Variants in UFD1 observed in about 807,000 individuals in gnomAD.
UFD1 encodes ubiquitin recognition factor in ER-associated degradation protein 1.
In UFD1, 13 loss-of-function variants were observed where a neutral mutation model predicts 45.9. That is an observed-to-expected ratio of 0.28 (90% CI 0.18 to 0.45). UFD1 has a LOEUF of 0.45. UFD1 is among the 20% of genes least tolerant of loss of function. UFD1 has a pLI of 1.00. For missense variants in UFD1, 218 were observed against 389.2 expected, an observed-to-expected ratio of 0.56 and a Z score of 3.70; for synonymous variants, 128 against 139.2, an observed-to-expected ratio of 0.92 and a Z score of 0.56.
chr22:19,475,001 C>A (rs2146309886), intron 3 of UFD1, 67 bp downstream of exon 3: 1 of 1,459,448 alleles, frequency 6.9e-7, no homozygotes, highest in Middle Eastern at 2.3e-4. Context: ...TACTGAGGAG[C>A]CCATGCTGAC....
intron 6 of UFD1, among the ~76,000 whole-genome samples, chr22:19,459,012 A>G (rs1040568385): frequency 4.6e-5 from 7 of 152,254 alleles, no homozygotes; most frequent in African/African-American, 2.4e-5. Context: ...TAAAATGTTG[A>G]ATAACTCATG....
intron 6 of UFD1, among the ~76,000 whole-genome samples, chr22:19,458,584 T>A (rs1304437132): frequency 6.6e-6 from 1 of 152,120 alleles, no homozygotes; most frequent in African/African-American, 2.4e-5. Flanking sequence ...GCTGGGACTA[T>A]AGGCATGTGC....
rs1435766423 is a variant in UFD1 at position 19,479,078 on chromosome 22, C to T, written c.3+5G>A. On this transcript the variant is annotated splice_donor_5th_base_variant and intron_variant, in intron 1 of 11. Transcript: ENST00000263202. ...AGCCCCCGCCCGCTGCCCGTCAGCG[C>T]TTACCATGATGGACACCACCTGGCA... is the stretch of plus-strand genomic sequence containing the variant. 1 of 1,611,656 alleles carries T rather than the reference C, an allele frequency of 6.2e-7. No homozygotes were observed. Among genetic ancestry groups the T allele is most frequent in the Non-Finnish European group, 8.5e-7 (1 of 1,179,390 alleles).
rs1189463463 is a variant in UFD1, at chr22:19,450,300, G to C, written c.*370C>G. The C allele has an allele frequency of 5.5e-6, 1 of 180,198 alleles. No individual in the cohort carries two copies. The highest frequency in any genetic ancestry group is 2.4e-5 in the African/African-American group (1 of 42,416). The allele number at this position is 180,198 out of a possible 1,614,324, so 11.2% of individuals were successfully genotyped here. On this transcript the variant is annotated 3_prime_UTR_variant, in exon 12 of 12. Coordinates refer to ENST00000263202, the MANE Select transcript of UFD1 (RefSeq NM_005659.7). ...TGTAGGAAAAGAAAGGATAAATGAAGAAAAAGAAAGAACACTTCATGTTAG... is the reference window on the plus strand; with the variant it reads ...TGTAGGAAAAGAAAGGATAAATGAACAAAAAGAAAGAACACTTCATGTTAG...
intron 11 of UFD1, chr22:19,453,113 G>C: frequency 5.1e-6 from 5 of 985,442 alleles, no homozygotes; most frequent in Non-Finnish European, 6.0e-6. Context: ...ACCTACTGGA[G>C]TCGAGCCTCC....
At chr22:19,456,975 T>C in intron 7 of UFD1, 57 bp from the exon 8 acceptor site, 2 of 1,206,978 alleles carry the variant, frequency 1.7e-6, no homozygotes, top group African/African-American at 1.5e-5. Context: ...CTTGGCTTCC[T>C]TTTTTGTTTT....
chr22:19,473,100 T>C (rs1393832250), intron 3 of UFD1, among the ~76,000 whole-genome samples: 1 of 152,142 alleles, frequency 6.6e-6, no homozygotes, highest in Non-Finnish European at 1.5e-5. Flanking sequence ...ACACTGGCAG[T>C]AAAGGGGCCA....
Position 19,456,906 on chromosome 22 carries a change from C to G in UFD1, c.577G>C (p.Ala193Pro). The G allele has an allele frequency of 6.3e-7, 1 of 1,597,328 alleles. No homozygotes were observed. The highest frequency in any genetic ancestry group is 8.6e-7 in the Non-Finnish European group (1 of 1,169,532). ...TCGGGTTCTTTGTAGCCCAGGGGAG[C>G]ATCAAAGTCCACCTGTGTTTCCAGG... ...IECDMNVDFDAPLGYKEPERQ... is the reference protein window; with the variant it reads ...IECDMNVDFDPPLGYKEPERQ... The change falls in exon 8 of 12, where the codon GCT becomes CCT. Residue 193 changes from alanine to proline, a missense_variant. Ala to Pro is a conservative substitution (Grantham distance 27). Transcript: ENST00000263202.
At chr22:19,457,741 G>A (rs1436416537) in intron 7 of UFD1, among the ~76,000 whole-genome samples, 1 of 152,104 alleles carries the variant, frequency 6.6e-6, no homozygotes, top group Admixed American at 6.5e-5. Flanking sequence ...AACCTGGGAG[G>A]TGGAGGTTGT....
At position 19,451,120 on chromosome 22, in the gene UFD1, CAAAAAA is replaced by C. The variant is rs34076964; in HGVS notation, c.850-382_850-377del. 4.5e-5 allele frequency: 39 copies of C among 864,238 alleles called. No individual in the cohort carries two copies. In the Admixed American group the frequency reaches 1.8e-3, roughly 40 times the overall value. 53.5% of individuals were successfully genotyped at this position (864,238 alleles called of 1,614,324 possible). On this transcript the variant is annotated intron_variant, in intron 11 of 11. Transcript: ENST00000263202. The stretch of plus-strand genomic sequence containing the variant: ...AGAGCAACAGAGCAAGACCCTGCCT[CAAAAAA>C]AAAAAAAAAAAAAAAAGTCTGTAAG...
At chr22:19,456,759 C>A in intron 8 of UFD1, 94 bp downstream of exon 8, 1 of 1,613,458 alleles carries the variant, frequency 6.2e-7, no homozygotes, top group South Asian at 1.1e-5. Context: ...GATATGACTA[C>A]ACCAACACTA....
At chr22:19,476,202 C>T (rs977778492) in intron 1 of UFD1, among the ~76,000 whole-genome samples, 46 of 152,126 alleles carry the variant, frequency 3.0e-4, no homozygotes, top group African/African-American at 9.9e-4. Flanking sequence ...TAGGAAGGGA[C>T]TCTGCACAAA....
chr22:19,463,000 G>C (rs1043551415), intron 6 of UFD1, among the ~76,000 whole-genome samples: 2 of 152,212 alleles, frequency 1.3e-5, no homozygotes, highest in African/African-American at 2.4e-5. Flanking sequence ...TCAAAGACCT[G>C]CTACTTGCTG....
At chr22:19,468,964 A>G (rs1177800239) in intron 4 of UFD1, among the ~76,000 whole-genome samples, 1 of 152,192 alleles carries the variant, frequency 6.6e-6, no homozygotes, top group East Asian at 1.9e-4. Context: ...AGGGAGAGGC[A>G]TGCTGAGGCC....
chr22:19,458,000 G>T, intron 7 of UFD1, 71 bp downstream of exon 7: 1 of 1,543,058 alleles, frequency 6.5e-7, no homozygotes, highest in Non-Finnish European at 9.0e-7. Context: ...CTGACACCCT[G>T]GCCTGCAGTG....
At chr22:19,473,908 G>A (rs2089863317) in intron 3 of UFD1, among the ~76,000 whole-genome samples, 1 of 152,154 alleles carries the variant, frequency 6.6e-6, no homozygotes, top group Non-Finnish European at 1.5e-5. Context: ...GCATGAACCT[G>A]TCCTCCTGGC....
rs878989241 is a variant in UFD1, at chr22:19,458,207, TA to T, written c.496-69del. 60 of 1,560,208 alleles carry T rather than the reference TA, an allele frequency of 3.8e-5. No individual in the cohort carries two copies. The South Asian group carries it at 6.4e-4, about 17-fold the overall frequency. ...GCACTGGAGCTGTCGCTGTCCATGT[TA>T]CTGTGGCTCTACTGGCTCCTGCGAA... is the stretch of plus-strand genomic sequence containing the variant. On this transcript the variant is annotated intron_variant, in intron 6 of 11. Transcript: ENST00000263202.
chr22:19,478,738 C>T, intron 1 of UFD1: 1 of 392,226 alleles, frequency 2.5e-6, no homozygotes, highest in Non-Finnish European at 4.6e-6. Flanking sequence ...ATTCTGTTCC[C>T]ATCCCCAGCA....
intron 3 of UFD1, among the ~76,000 whole-genome samples, chr22:19,472,712 C>A (rs971230194): frequency 5.3e-5 from 8 of 152,128 alleles, no homozygotes; most frequent in Admixed American, 2.6e-4. Flanking sequence ...CCAGAACAGT[C>A]AGGTAGGTAC....
Sources: allele counts gnomAD v4.1 joint callset (sites outside exome capture counted in the v4.1 genomes callset), GRCh38; gene constraint gnomAD v4.1.1; transcripts MANE v1.5; gene names NCBI Gene and HGNC (gene_info 2026-07-23, HGNC 2026-07-21).